INO80C: variants seen among roughly 807,000 people sequenced by gnomAD.
INO80C encodes INO80 complex subunit C, also known as IES6 homolog.
INO80C carries 17 observed loss-of-function variants against 17.7 expected under a neutral mutation model. The observed-to-expected ratio is 0.96, with a 90% CI of 0.66 to 1.44. The LOEUF is 1.44. Among genes scored for constraint, INO80C ranks in the 40% most tolerant of loss-of-function variants. The probability of loss-of-function intolerance (pLI) is 0.00; values close to 1 mark genes in which losing one functional copy is unlikely to be tolerated. For synonymous variants in INO80C, 96 were observed against 95.8 expected (o/e 1.00, Z -0.01); for missense variants, 244 against 245.0 (o/e 1.00, Z 0.03).
intron 1 of INO80C, among the ~76,000 whole-genome samples, chr18:35,482,564 C>T (rs1567984002): frequency 6.6e-6 from 1 of 152,170 alleles, no homozygotes; most frequent in Non-Finnish European, 1.5e-5. Context: ...TGCTCCCTCT[C>T]CTCTGTGGCC....
chr18:35,468,448 TAAA>T lies in INO80C; in HGVS notation c.*160_*162del, dbSNP rs59691905. On this transcript the variant is annotated 3_prime_UTR_variant, in exon 5 of 5. Transcript: ENST00000334598. ...TCACACTTGGAGGGAAAACACACAC[TAAA>T]AAAAAAAAAAACCCTTAAATTAAAG... 798 of 1,255,812 alleles carry T rather than the reference TAAA, an allele frequency of 6.4e-4. No homozygotes were observed. The highest frequency in any genetic ancestry group is 2.2e-3 in the South Asian group (115 of 53,052). The allele number at this position is 1,255,812 out of a possible 1,614,324, so 77.8% of individuals were successfully genotyped here. A position where few individuals can be genotyped will look rare whatever the true frequency, so the allele number is the denominator to read the frequency against.
At chr18:35,494,296 T>C (rs1191438847) in intron 1 of INO80C, among the ~76,000 whole-genome samples, 2 of 152,176 alleles carry the variant, frequency 1.3e-5, no homozygotes, top group African/African-American at 4.8e-5. Context: ...ACACAATTTC[T>C]CCGAGTTATT....
intron 4 of INO80C, among the ~76,000 whole-genome samples, chr18:35,476,298 C>A (rs552118536): frequency 6.6e-6 from 1 of 152,132 alleles, no homozygotes; most frequent in South Asian, 2.1e-4. Context: ...ACTGGCAGAG[C>A]CAAGAGGAGT....
chr18:35,486,145 G>A (rs941486046), intron 1 of INO80C, among the ~76,000 whole-genome samples: 1 of 152,088 alleles, frequency 6.6e-6, no homozygotes, highest in South Asian at 2.1e-4. Flanking sequence ...AACACAAAAT[G>A]TAGTATGTCC....
At chr18:35,495,278 G>A (rs533336729) in intron 1 of INO80C, among the ~76,000 whole-genome samples, 1 of 152,292 alleles carries the variant, frequency 6.6e-6, no homozygotes, top group South Asian at 2.1e-4. Context: ...AAAATACAAT[G>A]GTGGCATGCA....
intron 1 of INO80C, 193 bp downstream of exon 1, chr18:35,497,526 C>A: frequency 7.2e-7 from 1 of 1,394,574 alleles, no homozygotes; most frequent in East Asian, 2.9e-5. Flanking sequence ...CTCCTTACAA[C>A]ACAAGGCGTT....
At chr18:35,495,607 T>C (rs1213788146) in intron 1 of INO80C, among the ~76,000 whole-genome samples, 1 of 152,182 alleles carries the variant, frequency 6.6e-6, no homozygotes, top group African/African-American at 2.4e-5. Context: ...ATTTGACCAC[T>C]TTCAGAAGCT....
chr18:35,468,553 TCA>T lies in INO80C; in HGVS notation c.*56_*57del, dbSNP rs1305476187. ...ACGAGTTTGTTTCCGTGAAACAAAA[TCA>T]TGAGTCCAGAGTCTGTTTTTGAAAC... is the stretch of plus-strand genomic sequence containing the variant. On this transcript the variant is annotated 3_prime_UTR_variant, in exon 5 of 5. Transcript: ENST00000334598. 2.0e-5 allele frequency: 32 copies of T among 1,605,280 alleles called. No individual in the cohort carries two copies. The East Asian group carries it at 6.9e-4, about 35-fold the overall frequency.
At chr18:35,471,754 C>A (rs1292674562) in intron 4 of INO80C, among the ~76,000 whole-genome samples, 1 of 150,298 alleles carries the variant, frequency 6.7e-6, no homozygotes, top group African/African-American at 2.5e-5. Context: ...TCCCTCCCCC[C>A]TCCCTGCACC....
intron 1 of INO80C, chr18:35,487,431 G>A (rs2422312): frequency 0.16 from 59,871 of 373,040 alleles, 7,636 homozygotes; most frequent in African/African-American, 0.45. Context: ...CGGAAGGCAA[G>A]AGGCACGTCT....
chr18:35,496,949 G>A (rs1216627307), intron 1 of INO80C: 1 of 152,238 alleles, frequency 6.6e-6, no homozygotes. Context: ...ACAGAAGAAG[G>A]AACAAGATTT....
chr18:35,468,754 G>A lies in INO80C; in HGVS notation c.448-12C>T. On this transcript the variant is annotated splice_polypyrimidine_tract_variant and intron_variant, in intron 4 of 4. Coordinates refer to ENST00000334598, the MANE Select transcript of INO80C (RefSeq NM_194281.4). ...TCTGTGTAGTTGGCCTGGGTGAAAA[G>A]AGGCACAGGGAAGGGCAGAAAGTTT... The A allele has an allele frequency of 6.2e-7, 1 of 1,612,512 alleles. No homozygotes were observed. Among genetic ancestry groups the A allele is most frequent in the South Asian group, 1.1e-5 (1 of 91,006 alleles).
intron 1 of INO80C, among the ~76,000 whole-genome samples, chr18:35,491,256 AC>A: frequency 6.6e-6 from 1 of 152,214 alleles, no homozygotes; most frequent in East Asian, 1.9e-4. Context: ...GCAGACAAGC[AC>A]GTCTGCTGAG....
At chr18:35,487,465 G>C in intron 1 of INO80C, 1 of 292,200 alleles carries the variant, frequency 3.4e-6, no homozygotes, top group South Asian at 2.7e-5. Flanking sequence ...GCAAGAGAGA[G>C]AATGAAAGCC....
chr18:35,482,797 G>A (rs1378182772), intron 1 of INO80C, among the ~76,000 whole-genome samples: 1 of 151,846 alleles, frequency 6.6e-6, no homozygotes, highest in Non-Finnish European at 1.5e-5. Context: ...AGTCCTTAGC[G>A]TTTATCTGGT....
At position 35,497,751 on chromosome 18, in the gene INO80C, T is replaced by G; in HGVS notation, c.124A>C (p.Lys42Gln). 6.2e-7 allele frequency: 1 copy of G among 1,613,024 alleles called. No individual in the cohort carries two copies. Among genetic ancestry groups the G allele is most frequent in the Non-Finnish European group, 8.5e-7 (1 of 1,179,570 alleles). The change falls in exon 1 of 5, where the codon AAG (lysine) becomes CAG (glutamine). Residue 42 changes from lysine to glutamine, a missense_variant. By Grantham distance (53) the Lys-to-Gln change is moderately conservative. Coordinates refer to ENST00000334598, the MANE Select transcript of INO80C (RefSeq NM_194281.4). ...AAGCTGGAAGCGGACGCTTTTTTCT[T>G]CTTACTGGCGCCATAGCCCCCGCCG... ...SSGGGYGASKKKKASASSFAQ... is the reference protein window; with the variant it reads ...SSGGGYGASKQKKASASSFAQ...
intron 4 of INO80C, among the ~76,000 whole-genome samples, chr18:35,473,539 A>G (rs2045695633): frequency 6.6e-6 from 1 of 152,208 alleles, no homozygotes; most frequent in South Asian, 2.1e-4. Context: ...ACGTGAGTCC[A>G]TAACCATGGG....
At chr18:35,473,048 C>T (rs1157829241) in intron 4 of INO80C, among the ~76,000 whole-genome samples, 1 of 152,168 alleles carries the variant, frequency 6.6e-6, no homozygotes, top group Non-Finnish European at 1.5e-5. Flanking sequence ...AATAATGATT[C>T]TCCCTCCTCC....
intron 4 of INO80C, among the ~76,000 whole-genome samples, chr18:35,475,050 GAC>G (rs1195097515): frequency 2.0e-5 from 3 of 152,132 alleles, no homozygotes; most frequent in Non-Finnish European, 2.9e-5. Flanking sequence ...CAAAATTCTT[GAC>G]AGATACCAAA....
Sources: gnomAD v4.1 joint callset for allele counts (sites outside exome capture counted in the v4.1 genomes callset) on GRCh38, gnomAD v4.1.1 for gene constraint, MANE v1.5 for transcripts, NCBI Gene and HGNC (gene_info 2026-07-23, HGNC 2026-07-21) for gene names.